Variants in DNASE1L3 observed in about 807,000 individuals in gnomAD.
DNASE1L3 encodes deoxyribonuclease gamma.
A neutral mutation model predicts 30.9 loss-of-function variants in DNASE1L3; 27 were observed. The observed-to-expected ratio is 0.87, with a 90% confidence interval of 0.64 to 1.20. The LOEUF (loss-of-function observed/expected upper bound fraction) is 1.20. DNASE1L3 is among the 50% of genes most tolerant of loss of function. The pLI is 0.00. For synonymous variants in DNASE1L3, 135 were observed against 138.0 expected (o/e 0.98, Z 0.15); for missense variants, 364 against 378.2 (o/e 0.96, Z 0.31).
chr3:58,208,714 G>C (rs1482653571), intron 1 of DNASE1L3, among the ~76,000 whole-genome samples: 1 of 152,016 alleles, frequency 6.6e-6, no homozygotes, highest in Non-Finnish European at 1.5e-5. Context: ...GAAATAAAGA[G>C]GTATAATTAT....
intron 6 of DNASE1L3, among the ~76,000 whole-genome samples, chr3:58,194,383 C>T (rs1278127816): frequency 1.4e-5 from 2 of 147,144 alleles, no homozygotes; most frequent in Non-Finnish European, 3.0e-5. Flanking sequence ...TGCAGTGCGC[C>T]ATCTCAGCTC....
rs571587865 is a variant in DNASE1L3 at position 58,199,254 on chromosome 3, AC to A, written c.547-1277del. 2.0e-5 allele frequency among the ~76,000 whole-genome samples: 3 copies of A among 152,332 alleles called. No homozygotes were observed. In the East Asian group the frequency reaches 5.8e-4, roughly 29 times the overall value. On this transcript the variant is annotated intron_variant, in intron 5 of 7. Coordinates refer to ENST00000394549, the MANE Select transcript of DNASE1L3 (RefSeq NM_004944.4). ...CCTAGCACTAGGTGTTTTTAAATTT[AC>A]ACCTGGCAGCAATAAACAATAGGAG...
At chr3:58,210,245 A>AG (rs199554582) in intron 1 of DNASE1L3, among the ~76,000 whole-genome samples, 2 of 43,834 alleles carry the variant, frequency 4.6e-5, no homozygotes, top group African/African-American at 4.1e-4. Flanking sequence ...GAAGAAAGAA[A>AG]AAGAAAGAAA....
intron 4 of DNASE1L3, 59 bp downstream of exon 4, chr3:58,204,710 G>T: frequency 6.9e-7 from 1 of 1,450,618 alleles, no homozygotes; most frequent in Non-Finnish European, 9.6e-7. Context: ...GCTCAAGGCT[G>T]CTGCGCATTC....
chr3:58,203,267 A>G (rs945661682), intron 4 of DNASE1L3, among the ~76,000 whole-genome samples: 1 of 151,888 alleles, frequency 6.6e-6, no homozygotes, highest in Non-Finnish European at 1.5e-5. Context: ...GCACTCCTCC[A>G]TCCTCTTTTT....
Position 58,197,962 on chromosome 3 carries a change from C to A in DNASE1L3, c.563G>T (p.Gly188Val), listed in dbSNP as rs1313460433. 1 of 1,611,022 alleles carries A rather than the reference C, an allele frequency of 6.2e-7. No individual in the cohort carries two copies. Among genetic ancestry groups the A allele is most frequent in the African/African-American group, 1.3e-5 (1 of 74,826 alleles). The stretch of plus-strand genomic sequence containing the variant: ...GTAGCTGCAGCCGGCATTGAAGTCA[C>A]CCATGAAAATGAAATTCTAAAAGAC... ...RWKAENFIFM[G>V]DFNAGCSYVP... Residue 188 changes from glycine (G) to valine (V), a missense_variant, in exon 6 of 8, where the codon GGT becomes GTT. Coordinates refer to ENST00000394549, the MANE Select transcript of DNASE1L3 (RefSeq NM_004944.4). The surrounding 1 kb of genome is among the most constrained non-coding windows in gnomAD (Gnocchi z 5.3).
rs201090536 is a variant in DNASE1L3, at chr3:58,209,582, AGCCT to A, written c.141+1180_141+1183del. ...GAGAGGCTCGTCCAAGGAAGAACAGAGCCTGCCAGTCCTCACTCCAATCCTCCTT... is the reference window on the plus strand; with the variant it reads ...GAGAGGCTCGTCCAAGGAAGAACAGAGCCAGTCCTCACTCCAATCCTCCTT... On this transcript the variant is annotated intron_variant, in intron 1 of 7. Coordinates refer to ENST00000394549, the MANE Select transcript of DNASE1L3 (RefSeq NM_004944.4). Among the ~76,000 whole-genome samples the A allele has an allele frequency of 2.4e-4, 36 of 152,302 alleles. No individual in the cohort carries two copies. The East Asian group carries it at 7.0e-3, about 29-fold the overall frequency.
intron 4 of DNASE1L3, among the ~76,000 whole-genome samples, chr3:58,201,414 T>G (rs1465607788): frequency 6.6e-6 from 1 of 152,228 alleles, no homozygotes. Context: ...AAAGAATAAA[T>G]CATAAGTGTT....
In DNASE1L3 at chr3:58,195,537, G is replaced by A. The variant is rs1238143191; in HGVS notation, c.705-2098C>T. 4.1e-5 allele frequency among the ~76,000 whole-genome samples: 6 copies of A among 147,610 alleles called. No homozygotes were observed. In the South Asian group the frequency reaches 6.5e-4, roughly 16 times the overall value. On this transcript the variant is annotated intron_variant, in intron 6 of 7. Coordinates refer to ENST00000394549, the MANE Select transcript of DNASE1L3 (RefSeq NM_004944.4). ...AATCCAAGCACTTTGGGAGGCCAAA[G>A]CAGGCGGATCACCTGAGGTCACGAG... is the stretch of plus-strand genomic sequence containing the variant.
In DNASE1L3 at chr3:58,192,424, TG is replaced by T. The variant is rs1276369993; in HGVS notation, c.*262del. 1 of 275,902 alleles carries T rather than the reference TG, an allele frequency of 3.6e-6. No homozygotes were observed. Among genetic ancestry groups the T allele is most frequent in the Non-Finnish European group, 6.8e-6 (1 of 147,918 alleles). The allele number at this position is 275,902 out of a possible 1,614,324, so 17.1% of individuals were successfully genotyped here. A position where few individuals can be genotyped will look rare whatever the true frequency, so the allele number is the denominator to read the frequency against. ...GTTGAGCAGGGCCAGTGACAGTGGA[TG>T]GGGCTCTGGCTCAGGGCATGAAGAT... On this transcript the variant is annotated 3_prime_UTR_variant, in exon 8 of 8. Coordinates refer to ENST00000394549, the MANE Select transcript of DNASE1L3 (RefSeq NM_004944.4). The surrounding 1 kb of genome is among the most constrained non-coding windows in gnomAD (Gnocchi z 4.8).
In DNASE1L3 at chr3:58,193,555, C is replaced by T. The variant is rs570372054; in HGVS notation, c.705-116G>A. 115 of 836,860 alleles carry T rather than the reference C, an allele frequency of 1.4e-4. No homozygotes were observed. In the East Asian group the frequency reaches 2.8e-3, roughly 20 times the overall value. 51.8% of individuals were successfully genotyped at this position (836,860 alleles called of 1,614,324 possible). On this transcript the variant is annotated intron_variant, in intron 6 of 7. Coordinates refer to ENST00000394549, the MANE Select transcript of DNASE1L3 (RefSeq NM_004944.4). ...CGAGCAGTCTGGCCCTTTCATGTGG[C>T]GCTCAAAGTCCAGAGCTGGTTTTAG... is the stretch of plus-strand genomic sequence containing the variant.
chr3:58,202,754 G>A (rs2097401632), intron 4 of DNASE1L3, among the ~76,000 whole-genome samples: 1 of 151,910 alleles, frequency 6.6e-6, no homozygotes. Flanking sequence ...TTGGGAGACT[G>A]AGGCAGGAGA....
At chr3:58,193,574 G>A (rs1325967146) in intron 6 of DNASE1L3, 135 bp from the exon 7 acceptor site, 1 of 696,790 alleles carries the variant, frequency 1.4e-6, no homozygotes, top group Non-Finnish European at 2.4e-6. Context: ...TCCAGAGCTG[G>A]TTTTAGCCTG....
At chr3:58,194,153 C>T (rs1210137274) in intron 6 of DNASE1L3, among the ~76,000 whole-genome samples, 1 of 151,982 alleles carries the variant, frequency 6.6e-6, no homozygotes, top group African/African-American at 2.4e-5. Context: ...ACTAACATAT[C>T]CCAAGTTGGG....
At chr3:58,205,619 G>A in intron 2 of DNASE1L3, 59 bp from the exon 3 acceptor site, 1 of 1,437,048 alleles carries the variant, frequency 7.0e-7, no homozygotes, top group South Asian at 1.2e-5. Flanking sequence ...TACTGTACAT[G>A]TTCCTTTCTT....
At chr3:58,206,654 A>G (rs988197269) in intron 2 of DNASE1L3, among the ~76,000 whole-genome samples, 16 of 152,098 alleles carry the variant, frequency 1.1e-4, no homozygotes, top group Admixed American at 8.5e-4. Flanking sequence ...CTGGTGGTGA[A>G]AAGACTCGCC....
intron 5 of DNASE1L3, among the ~76,000 whole-genome samples, chr3:58,198,978 G>A (rs995873740): frequency 6.6e-6 from 1 of 152,120 alleles, no homozygotes; most frequent in Non-Finnish European, 1.5e-5. Flanking sequence ...TCCCTGCAAG[G>A]CTCTTGGAAC....
In DNASE1L3 at chr3:58,193,447, A is replaced by G. The variant is rs1256218104; in HGVS notation, c.705-8T>C. ...TGTCCTCTAAGCACAATCCTGGAAC[A>G]AGGGGAGGGAAAACAGTTGTGTTAA... On this transcript the variant is annotated splice_polypyrimidine_tract_variant and splice_region_variant and intron_variant, in intron 6 of 7. Coordinates refer to ENST00000394549, the MANE Select transcript of DNASE1L3 (RefSeq NM_004944.4). The G allele has an allele frequency of 3.7e-6, 6 of 1,606,870 alleles. No homozygotes were observed. In the African/African-American group the frequency reaches 8.0e-5, roughly 21 times the overall value.
chr3:58,201,173 G>A (rs2097400349), intron 4 of DNASE1L3, 64 bp from the exon 5 acceptor site: 1 of 1,366,746 alleles, frequency 7.3e-7, no homozygotes, highest in Non-Finnish European at 1.0e-6. Flanking sequence ...AAACACTGCT[G>A]GAGGGAAACC....
Sources: allele counts gnomAD v4.1 joint callset (sites outside exome capture counted in the v4.1 genomes callset), GRCh38; gene constraint gnomAD v4.1.1; non-coding constraint Gnocchi (gnomAD v3.1); transcripts MANE v1.5; gene names NCBI Gene and HGNC (gene_info 2026-07-23, HGNC 2026-07-21).